ELAVL2: variants seen among roughly 807,000 people sequenced by gnomAD.
The protein encoded by ELAVL2 is ELAV-like protein 2.
ELAVL2 carries 4 observed loss-of-function variants against 34.6 expected under a neutral mutation model. The ratio of observed to expected loss-of-function variants is 0.12; its 90% CI spans 0.06 to 0.26. The LOEUF is 0.26. Ranked by LOEUF, ELAVL2 falls within the 10% of genes least tolerant of loss-of-function variation. ELAVL2 has a pLI of 1.00. For missense variants in ELAVL2, 432 were observed against 442.8 expected, an observed-to-expected ratio of 0.98 and a Z score of 0.22; for synonymous variants, 193 against 154.8, an observed-to-expected ratio of 1.25 and a Z score of -1.83.
the ELAVL2 span, among the ~76,000 whole-genome samples, chr9:23,839,489 C>T: frequency 1.3e-5 from 2 of 151,908 alleles, no homozygotes; most frequent in African/African-American, 4.8e-5. Flanking sequence ...CTGTATAAAC[C>T]CATGAAAAAC....
At chr9:23,727,364 A>G (rs189541498) in intron 3 of ELAVL2, among the ~76,000 whole-genome samples, 41 of 152,256 alleles carry the variant, frequency 2.7e-4, no homozygotes, top group South Asian at 8.3e-4. Flanking sequence ...TTTATAAGCA[A>G]AGGCTGGTGA....
intron 1 of ELAVL2, among the ~76,000 whole-genome samples, chr9:23,770,542 G>C (rs1435913891): frequency 2.0e-5 from 3 of 152,198 alleles, no homozygotes; most frequent in East Asian, 1.9e-4. Flanking sequence ...CCTTATAAGT[G>C]AAAGAGGAAG....
intron 1 of ELAVL2, among the ~76,000 whole-genome samples, chr9:23,790,886 T>C (rs138780146): frequency 6.6e-4 from 101 of 152,292 alleles, no homozygotes; most frequent in South Asian, 4.6e-3. Flanking sequence ...GGTCTCCTGA[T>C]GAACACTTAA....
At chr9:23,801,729 C>T (rs917658089) in intron 1 of ELAVL2, among the ~76,000 whole-genome samples, 2 of 152,204 alleles carry the variant, frequency 1.3e-5, no homozygotes, top group Non-Finnish European at 2.9e-5. Flanking sequence ...TAAATCAGCA[C>T]ATTTGAAACT....
Position 23,692,164 on chromosome 9 carries a change from G to C in ELAVL2, c.*393C>G, listed in dbSNP as rs1208080426. Reference sequence around the variant, plus strand: ...CTAATCAGAAAAAGGAAAAAAAGGGGGGAAAAAAAAGACACAACCAACTGA... The same window carrying C: ...CTAATCAGAAAAAGGAAAAAAAGGGCGGAAAAAAAAGACACAACCAACTGA... On this transcript the variant is annotated 3_prime_UTR_variant, in exon 7 of 7. Transcript: ENST00000397312. 1 of 164,290 alleles carries C rather than the reference G, an allele frequency of 6.1e-6. No individual in the cohort carries two copies. The highest frequency in any genetic ancestry group is 1.3e-5 in the Non-Finnish European group (1 of 75,546). The allele number at this position is 164,290 out of a possible 1,614,324, so 10.2% of individuals were successfully genotyped here.
chr9:23,790,722 TTA>T (rs1458586919), intron 1 of ELAVL2, among the ~76,000 whole-genome samples: 1 of 152,232 alleles, frequency 6.6e-6, no homozygotes, highest in African/African-American at 2.4e-5. Flanking sequence ...AGCTTTAATT[TTA>T]TGTTTTATAT....
At position 23,731,108 on chromosome 9, in the gene ELAVL2, C is replaced by T; in HGVS notation, c.247G>A (p.Gly83Ser). 6.2e-7 allele frequency: 1 copy of T among 1,612,740 alleles called. No homozygotes were observed. The highest frequency in any genetic ancestry group is 1.3e-5 in the African/African-American group (1 of 74,968). Reference sequence around the variant, plus strand: ...TTGGGGTCAATGTAGTTCACAAAGCCATATCCCAAGCTCTGCCCTAATGAA... The same window carrying T: ...TTGGGGTCAATGTAGTTCACAAAGCTATATCCCAAGCTCTGCCCTAATGAA... ...DKITGQSLGY[G>S]FVNYIDPKDA... Residue 83 changes from glycine to serine, a missense_variant, in exon 3 of 7, where the codon GGC becomes AGC. Around this residue, in one of 3 missense-constraint regions of ELAVL2, gnomAD observed 132 missense variants for 118.3 expected, o/e 1.12. Coordinates refer to ENST00000397312, the MANE Select transcript of ELAVL2 (RefSeq NM_004432.5).
chr9:23,775,507 C>T (rs1405268865), intron 1 of ELAVL2, among the ~76,000 whole-genome samples: 2 of 152,220 alleles, frequency 1.3e-5, no homozygotes, highest in African/African-American at 4.8e-5. Flanking sequence ...CCATCTAGAG[C>T]TTCCTAGCTG....
In ELAVL2 at chr9:23,782,968, T is replaced by TGTGCC. The variant is rs570131540; in HGVS notation, c.-15-20724_-15-20720dup. On this transcript the variant is annotated intron_variant, in intron 1 of 6. Transcript: ENST00000397312. ...CCAGCTTCCCATCTCAGTTGCTCAT[T>TGTGCC]GTGCCTTCATCCCCTCTCCCATTTG... 5.1e-4 allele frequency among the ~76,000 whole-genome samples: 78 copies of TGTGCC among 152,320 alleles called. 1 individual carries two copies. The East Asian group carries it at 0.012, about 23-fold the overall frequency.
At chr9:23,739,811 C>CA (rs923542533) in intron 2 of ELAVL2, among the ~76,000 whole-genome samples, 5 of 152,018 alleles carry the variant, frequency 3.3e-5, no homozygotes, top group Non-Finnish European at 5.9e-5. Flanking sequence ...ACACCCCCCC[C>CA]ACTAAGCAGT....
At chr9:23,732,953 T>TA (rs1225851479) in intron 2 of ELAVL2, among the ~76,000 whole-genome samples, 1 of 152,016 alleles carries the variant, frequency 6.6e-6, no homozygotes, top group Non-Finnish European at 1.5e-5. Context: ...TATATTCATT[T>TA]AAAGTTAAAT....
intron 2 of ELAVL2, among the ~76,000 whole-genome samples, chr9:23,745,301 C>G (rs2050222704): frequency 6.6e-6 from 1 of 152,114 alleles, no homozygotes; most frequent in Non-Finnish European, 1.5e-5. Context: ...TAATCTACAG[C>G]CAAATTAAGA....
intron 1 of ELAVL2, among the ~76,000 whole-genome samples, chr9:23,809,118 C>A (rs548107274): frequency 9.8e-5 from 15 of 152,302 alleles, no homozygotes; most frequent in Middle Eastern, 6.8e-3. Context: ...TAAATTACAG[C>A]TAACCAGTAC....
At chr9:23,726,835 C>A (rs1314249018) in intron 3 of ELAVL2, among the ~76,000 whole-genome samples, 2 of 151,950 alleles carry the variant, frequency 1.3e-5, no homozygotes, top group East Asian at 3.9e-4. Context: ...ATACTTAAGA[C>A]CCCTAAAAAT....
At chr9:23,695,817 A>G (rs925296624) in intron 5 of ELAVL2, among the ~76,000 whole-genome samples, 38 of 152,294 alleles carry the variant, frequency 2.5e-4, no homozygotes, top group African/African-American at 8.7e-4. Flanking sequence ...GCAGTCTACT[A>G]TATTATGGTA....
the ELAVL2 span, chr9:23,849,367 A>G: frequency 6.6e-6 from 1 of 152,236 alleles, no homozygotes; most frequent in Non-Finnish European, 1.5e-5. Context: ...TTATTTCATC[A>G]TCATTTAGTA....
At position 23,766,057 on chromosome 9, in the gene ELAVL2, A is replaced by G. The variant is rs115603562; in HGVS notation, c.-15-3808T>C. On this transcript the variant is annotated intron_variant, in intron 1 of 6. Coordinates refer to ENST00000397312, the MANE Select transcript of ELAVL2 (RefSeq NM_004432.5). ...CTTAGTTTCTAAAAATAGACAGTGA[A>G]TAACAGAAGAGGTCCAAAAATGTCT... 1.1e-3 allele frequency among the ~76,000 whole-genome samples: 171 copies of G among 152,306 alleles called. No homozygotes were observed. In the Middle Eastern group the frequency reaches 0.014, roughly 12 times the overall value.
chr9:23,706,522 A>G (rs560433153), intron 3 of ELAVL2, among the ~76,000 whole-genome samples: 4 of 152,148 alleles, frequency 2.6e-5, no homozygotes, highest in African/African-American at 7.2e-5. Flanking sequence ...ATCTTTGCCA[A>G]CATTTAGTCT....
intron 1 of ELAVL2, among the ~76,000 whole-genome samples, chr9:23,789,192 G>A (rs549008676): frequency 3.9e-5 from 6 of 151,996 alleles, no homozygotes; most frequent in Non-Finnish European, 7.4e-5. Context: ...CTATATAGAG[G>A]GACTGCTTAT....
Sources: allele counts gnomAD v4.1 joint callset (sites outside exome capture counted in the v4.1 genomes callset), GRCh38; gene constraint gnomAD v4.1.1; regional missense constraint gnomAD v4.1.1; transcripts MANE v1.5; gene names NCBI Gene and HGNC (gene_info 2026-07-23, HGNC 2026-07-21).